Variants in CD55 observed in about 807,000 individuals in gnomAD.
The protein encoded by CD55 is CD55 molecule (Cromer blood group), also known as complement decay-accelerating factor.
CD55 carries 41 observed loss-of-function variants against 45.8 expected under a neutral mutation model. The observed-to-expected ratio is 0.90, with a 90% CI of 0.70 to 1.16. CD55 has a LOEUF of 1.16. Among genes scored for constraint, CD55 ranks in the 50% most tolerant of loss-of-function variants. The pLI, the probability that CD55 is intolerant of heterozygous loss-of-function variation, is 0.00. For missense variants in CD55, 416 were observed against 469.8 expected, an observed-to-expected ratio of 0.89 and a Z score of 1.06; for synonymous variants, 181 against 181.1, an observed-to-expected ratio of 1.00 and a Z score of 0.01.
intron 8 of CD55, among the ~76,000 whole-genome samples, chr1:207,338,399 C>A (rs970942606): frequency 6.6e-6 from 1 of 151,992 alleles, no homozygotes. Flanking sequence ...TCTAAAATTT[C>A]TAGGTTGAAC....
At chr1:207,347,554 C>G (rs1243787018) in intron 9 of CD55, 3 of 231,656 alleles carry the variant, frequency 1.3e-5, no homozygotes, top group Non-Finnish European at 2.7e-5. Context: ...GCCACCGCAC[C>G]TGGCCAGGTA....
At chr1:207,333,436 A>G (rs575750899) in intron 6 of CD55, among the ~76,000 whole-genome samples, 52 of 152,354 alleles carry the variant, frequency 3.4e-4, no homozygotes, top group African/African-American at 1.2e-3. Flanking sequence ...TCAATTCCTA[A>G]TAGGTTGAAG....
intron 2 of CD55, among the ~76,000 whole-genome samples, chr1:207,324,146 A>G (rs1654559254): frequency 6.6e-6 from 1 of 152,234 alleles, no homozygotes; most frequent in Non-Finnish European, 1.5e-5. Flanking sequence ...TTGTACGTAA[A>G]TAAATATTAG....
chr1:207,354,083 C>T (rs1282849520), intron 9 of CD55: 2 of 1,531,896 alleles, frequency 1.3e-6, no homozygotes, highest in East Asian at 4.9e-5. Flanking sequence ...TCCTCTAGGT[C>T]ACTCCAGTTC....
At chr1:207,359,515 A>C (rs1319438891) in intron 9 of CD55, 31 bp from the exon 10 acceptor site, 4 of 697,304 alleles carry the variant, frequency 5.7e-6, no homozygotes, top group African/African-American at 3.3e-5. Context: ...TTTGATTTTA[A>C]CTTTTTTTTT....
intron 4 of CD55, among the ~76,000 whole-genome samples, chr1:207,326,312 T>C (rs1246053932): frequency 6.6e-6 from 1 of 152,182 alleles, no homozygotes; most frequent in Non-Finnish European, 1.5e-5. Context: ...CTTTATAAAG[T>C]AAAAATATCA....
intron 5 of CD55, among the ~76,000 whole-genome samples, chr1:207,327,388 G>A (rs1654733587): frequency 6.6e-6 from 1 of 152,090 alleles, no homozygotes; most frequent in Non-Finnish European, 1.5e-5. Context: ...TATCATTAGA[G>A]AGATAAGCTT....
intron 9 of CD55, among the ~76,000 whole-genome samples, chr1:207,356,339 C>T (rs964641543): frequency 6.6e-6 from 1 of 152,114 alleles, no homozygotes; most frequent in Non-Finnish European, 1.5e-5. Flanking sequence ...TCATTTTTGT[C>T]TGTAATTACT....
At chr1:207,322,289 G>A in intron 1 of CD55, 93 bp from the exon 2 acceptor site, 1 of 1,004,336 alleles carries the variant, frequency 1.0e-6, no homozygotes, top group African/African-American at 1.6e-5. Context: ...ATCTCTTTCA[G>A]GTGTGGCATT....
Position 207,336,728 on chromosome 1 carries a change from C to A in CD55, c.889C>A (p.Gln297Lys). Residue 297 changes from glutamine to lysine, a missense_variant, in exon 7 of 10, where the codon CAG (glutamine) becomes AAG (lysine). This residue lies in a region of CD55 where 182 missense variants were observed against 201.4 expected (regional missense o/e 0.90). Coordinates refer to ENST00000367064, the MANE Select transcript of CD55 (RefSeq NM_000574.5). ...AACTTCCAAGGTCCCACCAACAGTT[C>A]AGAAACCTACCACAGTAAATGTTCC... is the stretch of plus-strand genomic sequence containing the variant. ...SLTSKVPPTV[Q>K]KPTTVNVPTT... is the part of the protein sequence containing the mutation. 1 of 1,613,910 alleles carries A rather than the reference C, an allele frequency of 6.2e-7. No individual in the cohort carries two copies. Among genetic ancestry groups the A allele is most frequent in the Non-Finnish European group, 8.5e-7 (1 of 1,179,846 alleles).
chr1:207,331,317 T>A, intron 6 of CD55, 21 bp downstream of exon 6: 1 of 1,601,632 alleles, frequency 6.2e-7, no homozygotes, highest in East Asian at 2.2e-5. Flanking sequence ...TGGATAGTTA[T>A]ATTTTTGCTT....
rs751712125 is a variant in CD55, at chr1:207,336,748, T to G, written c.909T>G (p.Asn303Lys). ...CAGTTCAGAAACCTACCACAGTAAA[T>G]GTTCCAACTACAGAAGTCTCACCAA... ...PPTVQKPTTV[N>K]VPTTEVSPTS... Residue 303 changes from asparagine (N) to lysine (K), a missense_variant, in exon 7 of 10, where the codon AAT (asparagine) becomes AAG (lysine). By Grantham distance (94) the Asn-to-Lys change is moderately conservative (BLOSUM62 0). This residue lies in a region of CD55 where 182 missense variants were observed against 201.4 expected (regional missense o/e 0.90). Transcript: ENST00000367064. 1.9e-6 allele frequency: 3 copies of G among 1,613,886 alleles called. No homozygotes were observed. Among genetic ancestry groups the G allele is most frequent in the Non-Finnish European group, 2.5e-6 (3 of 1,179,846 alleles).
chr1:207,326,970 C>T, intron 5 of CD55, 133 bp downstream of exon 5: 1 of 533,398 alleles, frequency 1.9e-6, no homozygotes, highest in Non-Finnish European at 3.3e-6. Context: ...GAGTGCTTTG[C>T]TAATTTTAAG....
chr1:207,358,142 A>T (rs1008243099), intron 9 of CD55, among the ~76,000 whole-genome samples: 14 of 152,182 alleles, frequency 9.2e-5, no homozygotes, highest in African/African-American at 3.1e-4. Flanking sequence ...GCAAACTCCT[A>T]AGAAAGAATT....
At chr1:207,337,033 C>A in intron 7 of CD55, 1 of 629,006 alleles carries the variant, frequency 1.6e-6, no homozygotes, top group Non-Finnish European at 2.8e-6. Flanking sequence ...CTACAGGAAC[C>A]CTACCAACTC....
chr1:207,344,448 C>T (rs1655550602), intron 9 of CD55, among the ~76,000 whole-genome samples: 1 of 152,166 alleles, frequency 6.6e-6, no homozygotes, highest in East Asian at 1.9e-4. Flanking sequence ...ATTCCATCAG[C>T]TTTCTTTTGT....
chr1:207,329,587 GC>G (rs776344315), intron 5 of CD55, among the ~76,000 whole-genome samples: 1 of 152,008 alleles, frequency 6.6e-6, no homozygotes, highest in Non-Finnish European at 1.5e-5. Context: ...CATGCAAACT[GC>G]TGTGGTTTCC....
At chr1:207,352,983 T>A (rs1327497005) in intron 9 of CD55, among the ~76,000 whole-genome samples, 1 of 151,266 alleles carries the variant, frequency 6.6e-6, no homozygotes, top group Non-Finnish European at 1.5e-5. Context: ...GTAACTTGCC[T>A]TTCACAGAGC....
chr1:207,329,285 A>G (rs142834777), intron 5 of CD55, among the ~76,000 whole-genome samples: 1 of 152,364 alleles, frequency 6.6e-6, no homozygotes, highest in East Asian at 1.9e-4. Context: ...GCCAGAGCAC[A>G]GCCTTTTAAA....
Sources: gnomAD v4.1 joint callset for allele counts (sites outside exome capture counted in the v4.1 genomes callset) on GRCh38, gnomAD v4.1.1 for gene constraint, gnomAD v4.1.1 regional missense constraint, MANE v1.5 for transcripts, NCBI Gene and HGNC (gene_info 2026-07-23, HGNC 2026-07-21) for gene names.